GPR149: variants seen among roughly 807,000 people sequenced by gnomAD.
GPR149 encodes the protein probable G protein-coupled receptor 149.
In GPR149, 50 loss-of-function variants were observed where a neutral mutation model predicts 50.2. That is an observed-to-expected ratio of 1.00 (90% CI 0.79 to 1.26). The LOEUF is 1.26. GPR149 is among the 50% of genes most tolerant of loss of function. GPR149 has a pLI of 0.00. For synonymous variants in GPR149, 405 were observed against 358.2 expected, an observed-to-expected ratio of 1.13 and a Z score of -1.48; for missense variants, 983 against 895.4, an observed-to-expected ratio of 1.10 and a Z score of -1.25.
At chr3:154,356,631 G>C (rs1420757416) in intron 3 of GPR149, among the ~76,000 whole-genome samples, 2 of 152,166 alleles carry the variant, frequency 1.3e-5, no homozygotes, top group African/African-American at 4.8e-5. Context: ...CAAGGGATGT[G>C]AAGGACCTTT....
intron 3 of GPR149, among the ~76,000 whole-genome samples, chr3:154,367,790 T>C (rs1334187127): frequency 1.3e-5 from 2 of 151,988 alleles, no homozygotes; most frequent in African/African-American, 2.4e-5. Context: ...GCAAGAACCT[T>C]TGGAGTTACA....
At chr3:154,340,128 A>G (rs946009248) in intron 3 of GPR149, among the ~76,000 whole-genome samples, 2 of 152,060 alleles carry the variant, frequency 1.3e-5, no homozygotes, top group Admixed American at 6.5e-5. Context: ...CTAGAAAAAA[A>G]TACAGTCTGG....
chr3:154,345,536 CT>C (rs1713906258), intron 3 of GPR149, among the ~76,000 whole-genome samples: 1 of 152,044 alleles, frequency 6.6e-6, no homozygotes, highest in African/African-American at 2.4e-5. Flanking sequence ...TGGCAAGGAG[CT>C]TTTTATTTGG....
At chr3:154,388,279 C>T (rs1212814189) in intron 3 of GPR149, among the ~76,000 whole-genome samples, 1 of 151,842 alleles carries the variant, frequency 6.6e-6, no homozygotes, top group Non-Finnish European at 1.5e-5. Context: ...GATGAGTAAA[C>T]AGCAGTATTC....
intron 3 of GPR149, among the ~76,000 whole-genome samples, chr3:154,402,433 A>AATAAATAAATAAATAT (rs1711569062): frequency 6.6e-6 from 1 of 150,940 alleles, no homozygotes; most frequent in Non-Finnish European, 1.5e-5. Context: ...TAAATAAATA[A>AATAAATAAATAAATAT]ATAAATAAAT....
Position 154,421,273 on chromosome 3 carries a change from G to C in GPR149, c.1389C>G (p.Asp463Glu). The change falls in exon 3 of 4, where the codon GAC becomes GAG. Residue 463 changes from aspartate (D) to glutamate (E), a missense_variant. By Grantham distance (45) the Asp-to-Glu change is conservative (BLOSUM62 2). Coordinates refer to ENST00000389740, the MANE Select transcript of GPR149 (RefSeq NM_001038705.3). ...TGTTGATGCCTCTTTGTGTGGAGCTGTCCAGAGAGGGCGTGGTGCTGATTT... is the reference window on the plus strand; with the variant it reads ...TGTTGATGCCTCTTTGTGTGGAGCTCTCCAGAGAGGGCGTGGTGCTGATTT... Reference protein sequence around the residue: ...KVEISTTPSLDSSTQRGINKC... With the variant: ...KVEISTTPSLESSTQRGINKC... 1 of 1,613,312 alleles carries C rather than the reference G, an allele frequency of 6.2e-7. No individual in the cohort carries two copies. Among genetic ancestry groups the C allele is most frequent in the South Asian group, 1.1e-5 (1 of 91,068 alleles).
intron 3 of GPR149, among the ~76,000 whole-genome samples, chr3:154,416,044 AAGC>A (rs1271989460): frequency 5.3e-5 from 8 of 151,902 alleles, no homozygotes; most frequent in Non-Finnish European, 1.0e-4. Context: ...TCTTCATTTT[AAGC>A]TAATAATATA....
intron 3 of GPR149, among the ~76,000 whole-genome samples, chr3:154,375,170 A>G (rs542577368): frequency 6.6e-6 from 1 of 152,314 alleles, no homozygotes; most frequent in East Asian, 1.9e-4. Context: ...CTGGGTCAAT[A>G]TCCAATTTTA....
At position 154,430,135 on chromosome 3, in the gene GPR149, GAGAC is replaced by G. The variant is rs1410787997; in HGVS notation, c.-524_-521del. 7.0e-6 allele frequency among the ~76,000 whole-genome samples: 1 copy of G among 141,896 alleles called. No individual in the cohort carries two copies. The highest frequency in any genetic ancestry group is 1.5e-5 in the Non-Finnish European group (1 of 66,010). 93.1% of individuals were successfully genotyped at this position (141,896 alleles called of 152,430 possible). A position where few individuals can be genotyped will look rare whatever the true frequency, so the allele number is the denominator to read the frequency against. Reference sequence around the variant, plus strand: ...AGCTTTGAAGGTGGAGAGAGAGAGAGAGACAGAGAGAGAGAGAGAGAGGGCGAGC... The same window carrying G: ...AGCTTTGAAGGTGGAGAGAGAGAGAGAGAGAGAGAGAGAGAGAGGGCGAGC... On this transcript the variant is annotated 5_prime_UTR_variant, in exon 1 of 4. Transcript: ENST00000389740.
At chr3:154,381,956 C>A (rs1179720007) in intron 3 of GPR149, among the ~76,000 whole-genome samples, 18 of 152,186 alleles carry the variant, frequency 1.2e-4, no homozygotes, top group South Asian at 2.1e-4. Context: ...AAATGATCCA[C>A]TTTCTTGCCC....
chr3:154,336,681 T>G lies in GPR149; in HGVS notation c.*1018A>C, dbSNP rs1437865205. ...CTGTTTCTTTGAGACAACACGTCTTTAGAGAAGAAACAAAAAAGCAGCTAA... is the reference window on the plus strand; with the variant it reads ...CTGTTTCTTTGAGACAACACGTCTTGAGAGAAGAAACAAAAAAGCAGCTAA... On this transcript the variant is annotated 3_prime_UTR_variant, in exon 4 of 4. Transcript: ENST00000389740. 6.6e-6 allele frequency: 1 copy of G among 152,094 alleles called. No homozygotes were observed. Among genetic ancestry groups the G allele is most frequent in the Non-Finnish European group, 1.5e-5 (1 of 67,956 alleles). 9.4% of individuals were successfully genotyped at this position (152,094 alleles called of 1,614,324 possible).
chr3:154,335,093 G>T lies in GPR149; in HGVS notation c.*2606C>A, dbSNP rs1713622857. On this transcript the variant is annotated 3_prime_UTR_variant, in exon 4 of 4. Coordinates refer to ENST00000389740, the MANE Select transcript of GPR149 (RefSeq NM_001038705.3). Reference sequence around the variant, plus strand: ...TATTTGGGAGTCTCGGGGATTACGTGTTTGCAGTTTATAGGAGTCACCACC... The same window carrying T: ...TATTTGGGAGTCTCGGGGATTACGTTTTTGCAGTTTATAGGAGTCACCACC... 1 of 151,864 alleles carries T rather than the reference G, an allele frequency of 6.6e-6. No homozygotes were observed. The highest frequency in any genetic ancestry group is 2.4e-5 in the African/African-American group (1 of 41,372). 9.4% of individuals were successfully genotyped at this position (151,864 alleles called of 1,614,324 possible).
intron 3 of GPR149, among the ~76,000 whole-genome samples, chr3:154,348,040 T>G (rs1461705922): frequency 6.6e-6 from 1 of 152,176 alleles, no homozygotes; most frequent in Admixed American, 6.5e-5. Flanking sequence ...AATATAAAGA[T>G]TAAATGAGTT....
At chr3:154,349,473 A>C (rs1173335204) in intron 3 of GPR149, among the ~76,000 whole-genome samples, 1 of 152,222 alleles carries the variant, frequency 6.6e-6, no homozygotes, top group Non-Finnish European at 1.5e-5. Flanking sequence ...ACCTTTACAC[A>C]TTCAAATTTG....
At chr3:154,379,779 A>G (rs562073852) in intron 3 of GPR149, among the ~76,000 whole-genome samples, 1 of 152,262 alleles carries the variant, frequency 6.6e-6, no homozygotes, top group African/African-American at 2.4e-5. Context: ...ATTCTGTTTC[A>G]TTTATAATAT....
In GPR149 at chr3:154,353,358, GA is replaced by G. The variant is rs1344038026; in HGVS notation, c.1624-15088del. The G allele has an allele frequency of 2.8e-6, 4 of 1,409,308 alleles. No individual in the cohort carries two copies. In the East Asian group the frequency reaches 9.1e-5, roughly 32 times the overall value. The allele number at this position is 1,409,308 out of a possible 1,614,324, so 87.3% of individuals were successfully genotyped here. A position where few individuals can be genotyped will look rare whatever the true frequency, so the allele number is the denominator to read the frequency against. On this transcript the variant is annotated intron_variant, in intron 3 of 3. Coordinates refer to ENST00000389740, the MANE Select transcript of GPR149 (RefSeq NM_001038705.3). ...GTATACCCACTGTGGGCAAGTTGCA[GA>G]AAAAAGTAAAGTCTGAGGATGGTCT...
intron 3 of GPR149, among the ~76,000 whole-genome samples, chr3:154,342,212 T>C (rs1713814656): frequency 6.6e-6 from 1 of 152,020 alleles, no homozygotes. Context: ...TAAACAAAAG[T>C]GAAAGACTAA....
Position 154,335,076 on chromosome 3 carries a change from A to C in GPR149, c.*2623T>G, listed in dbSNP as rs1319087964. The C allele has an allele frequency of 6.6e-6, 1 of 152,040 alleles. No homozygotes were observed. Among genetic ancestry groups the C allele is most frequent in the Non-Finnish European group, 1.5e-5 (1 of 67,982 alleles). 9.4% of individuals were successfully genotyped at this position (152,040 alleles called of 1,614,324 possible). ...ATATTAGGTGTTTATACTATTTGGG[A>C]GTCTCGGGGATTACGTGTTTGCAGT... On this transcript the variant is annotated 3_prime_UTR_variant, in exon 4 of 4. Transcript: ENST00000389740.
chr3:154,429,113 G>C lies in GPR149; in HGVS notation c.503C>G (p.Pro168Arg), dbSNP rs760551811. 4 of 1,613,656 alleles carry C rather than the reference G, an allele frequency of 2.5e-6. No individual in the cohort carries two copies. Among genetic ancestry groups the C allele is most frequent in the East Asian group, 2.2e-5 (1 of 44,856 alleles). ...WAASLLLSAL[P>R]LCGWGAFVRT... ...CACGAAGGCGCCCCAGCCGCACAGC[G>C]GGAGCGCCGAGAGCAGCAGACTGGC... Residue 168 changes from proline to arginine, a missense_variant, in exon 1 of 4, where the codon CCG (proline) becomes CGG (arginine). Coordinates refer to ENST00000389740, the MANE Select transcript of GPR149 (RefSeq NM_001038705.3).
Sources: allele counts gnomAD v4.1 joint callset (sites outside exome capture counted in the v4.1 genomes callset), GRCh38; gene constraint gnomAD v4.1.1; transcripts MANE v1.5; gene names NCBI Gene and HGNC (gene_info 2026-07-23, HGNC 2026-07-21).